COMMD1: variants seen among roughly 807,000 people sequenced by gnomAD.
COMMD1 encodes the protein COMM domain-containing protein 1.
In COMMD1, 10 loss-of-function variants were observed where a neutral mutation model predicts 17.2. That is an observed-to-expected ratio of 0.58 (90% CI 0.36 to 0.99). COMMD1 has a LOEUF of 0.99. Among genes scored for constraint, COMMD1 ranks in the 50% least tolerant of loss-of-function variants. COMMD1 has a pLI of 0.01. For synonymous variants in COMMD1, 97 were observed against 91.6 expected (o/e 1.06, Z -0.34); for missense variants, 270 against 231.8 (o/e 1.17, Z -1.07).
At chr2:62,082,590 G>A (rs1045381138) in intron 2 of COMMD1, among the ~76,000 whole-genome samples, 2 of 152,120 alleles carry the variant, frequency 1.3e-5, no homozygotes, top group African/African-American at 4.8e-5. Flanking sequence ...GGCCGGGTGC[G>A]GTGGCTCACA....
At chr2:61,934,017 A>G (rs1005031187) in intron 1 of COMMD1, among the ~76,000 whole-genome samples, 1 of 152,144 alleles carries the variant, frequency 6.6e-6, no homozygotes, top group Admixed American at 6.6e-5. Flanking sequence ...TGCCCACCTC[A>G]GCCTCTCAAA....
At chr2:62,120,835 G>C (rs937948892) in intron 2 of COMMD1, among the ~76,000 whole-genome samples, 1 of 151,972 alleles carries the variant, frequency 6.6e-6, no homozygotes, top group Non-Finnish European at 1.5e-5. Flanking sequence ...CAGCCCTCCT[G>C]CCTCAGCCTC....
rs115672423 is a variant in COMMD1, at chr2:61,942,930, T to C, written c.180+37072T>C. On this transcript the variant is annotated intron_variant, in intron 1 of 2. Transcript: ENST00000311832. ...ATATGTGTACATATACCTAAACACA[T>C]ATATATATATATACACTCATACAAA... Among the ~76,000 whole-genome samples, 1,219 of 149,324 alleles carry C rather than the reference T, an allele frequency of 8.2e-3. 4 individuals are homozygous for C. The highest frequency in any genetic ancestry group is 0.013 in the Non-Finnish European group (857 of 67,498).
At chr2:62,049,170 G>T (rs1670468642) in intron 2 of COMMD1, among the ~76,000 whole-genome samples, 2 of 149,700 alleles carry the variant, frequency 1.3e-5, no homozygotes, top group African/African-American at 5.0e-5. Context: ...GCTTATCATG[G>T]ACCAGAAATT....
intron 2 of COMMD1, among the ~76,000 whole-genome samples, chr2:62,052,076 C>T (rs1670552378): frequency 6.6e-6 from 1 of 152,184 alleles, no homozygotes; most frequent in Non-Finnish European, 1.5e-5. Flanking sequence ...CTTAACCATC[C>T]TGTTGCTCCT....
At chr2:62,012,506 C>T (rs933550628) in intron 2 of COMMD1, among the ~76,000 whole-genome samples, 36 of 151,764 alleles carry the variant, frequency 2.4e-4, no homozygotes, top group Middle Eastern at 3.2e-3. Context: ...TTAGTAGAGA[C>T]GGGGTTTCTC....
At chr2:61,982,035 A>G (rs1056089540) in intron 1 of COMMD1, among the ~76,000 whole-genome samples, 22 of 152,144 alleles carry the variant, frequency 1.4e-4, no homozygotes, top group Non-Finnish European at 1.5e-4. Flanking sequence ...TGTCATTGGT[A>G]TTTTGATAGG....
At chr2:62,131,166 C>T (rs1673025165) in intron 2 of COMMD1, among the ~76,000 whole-genome samples, 1 of 152,058 alleles carries the variant, frequency 6.6e-6, no homozygotes, top group African/African-American at 2.4e-5. Context: ...GAATATTTTG[C>T]CTTTGCTTTC....
intron 1 of COMMD1, among the ~76,000 whole-genome samples, chr2:61,936,243 T>G (rs1670604704): frequency 6.6e-6 from 1 of 152,180 alleles, no homozygotes; most frequent in South Asian, 2.1e-4. Flanking sequence ...GATTTCAAAG[T>G]TATGTAAGCA....
chr2:62,065,726 T>TCAA (rs1671020055), intron 2 of COMMD1, among the ~76,000 whole-genome samples: 1 of 152,244 alleles, frequency 6.6e-6, no homozygotes, highest in African/African-American at 2.4e-5. Context: ...TGATGTTTAT[T>TCAA]ATAATCGTTC....
intron 1 of COMMD1, among the ~76,000 whole-genome samples, chr2:61,933,915 C>T (rs1218696553): frequency 6.6e-6 from 1 of 152,012 alleles, no homozygotes; most frequent in East Asian, 1.9e-4. Flanking sequence ...AGGCATGTGC[C>T]ACAATACCTG....
chr2:61,983,080 A>G (rs1672000050), intron 1 of COMMD1, among the ~76,000 whole-genome samples: 1 of 152,108 alleles, frequency 6.6e-6, no homozygotes, highest in African/African-American at 2.4e-5. Context: ...ATTTTTTGGA[A>G]TAGTTTGAGT....
At chr2:62,012,759 A>G (rs1442908536) in intron 2 of COMMD1, among the ~76,000 whole-genome samples, 1 of 152,206 alleles carries the variant, frequency 6.6e-6, no homozygotes, top group African/African-American at 2.4e-5. Flanking sequence ...TATTATAAGC[A>G]AAAGGAAGAT....
At chr2:62,117,544 G>A (rs905000038) in intron 2 of COMMD1, among the ~76,000 whole-genome samples, 7 of 152,108 alleles carry the variant, frequency 4.6e-5, no homozygotes, top group African/African-American at 1.4e-4. Context: ...CTACTTGTGT[G>A]GCTTTGAACA....
At chr2:62,027,595 A>G (rs1340681438) in intron 2 of COMMD1, among the ~76,000 whole-genome samples, 3 of 152,142 alleles carry the variant, frequency 2.0e-5, no homozygotes, top group Non-Finnish European at 4.4e-5. Flanking sequence ...AAAGGACAGC[A>G]ATGCCTGCAA....
chr2:61,955,163 C>G (rs1263628934), intron 1 of COMMD1, among the ~76,000 whole-genome samples: 7 of 152,158 alleles, frequency 4.6e-5, no homozygotes, highest in African/African-American at 7.2e-5. Flanking sequence ...GCTTATTAAT[C>G]ATTCCCATAT....
chr2:61,902,518 A>T (rs773603915), upstream of COMMD1, among the ~76,000 whole-genome samples: 1 of 152,060 alleles, frequency 6.6e-6, no homozygotes, highest in Non-Finnish European at 1.5e-5. Flanking sequence ...CTTAAAAAAA[A>T]AGAAAAGAAA....
chr2:61,990,406 A>G (rs1268359249), intron 1 of COMMD1, among the ~76,000 whole-genome samples: 1 of 152,136 alleles, frequency 6.6e-6, no homozygotes, highest in Non-Finnish European at 1.5e-5. Flanking sequence ...ATTCAGAGAG[A>G]CTGGGCACAC....
chr2:62,087,334 C>G (rs1446104111), intron 2 of COMMD1, among the ~76,000 whole-genome samples: 3 of 152,202 alleles, frequency 2.0e-5, no homozygotes, highest in African/African-American at 7.2e-5. Flanking sequence ...CTGAATGCAA[C>G]TGGAGGGTAG....
Sources: gnomAD v4.1 joint callset for allele counts (sites outside exome capture counted in the v4.1 genomes callset) on GRCh38, gnomAD v4.1.1 for gene constraint, MANE v1.5 for transcripts, NCBI Gene and HGNC (gene_info 2026-07-23, HGNC 2026-07-21) for gene names.